Variants in ANK3 observed in about 807,000 individuals in gnomAD.
The protein encoded by ANK3 is ankyrin 3.
A neutral mutation model predicts 370.9 loss-of-function variants in ANK3; 57 were observed. The ratio of observed to expected loss-of-function variants is 0.15; its 90% CI spans 0.12 to 0.19. The LOEUF (loss-of-function observed/expected upper bound fraction) is 0.19, where lower values mean the gene tolerates loss of function less well. ANK3 is among the 10% of genes least tolerant of loss of function. ANK3 has a pLI of 1.00. For synonymous variants in ANK3, 1,929 were observed against 1,946.3 expected (o/e 0.99, Z 0.23); for missense variants, 4,439 against 5,302.1 (o/e 0.84, Z 5.06).
At chr10:60,472,906 C>T (rs1268433557) in intron 2 of ANK3, among the ~76,000 whole-genome samples, 1 of 152,168 alleles carries the variant, frequency 6.6e-6, no homozygotes, top group Non-Finnish European at 1.5e-5. Context: ...TCCTCTTCTT[C>T]ATGGAGCTCA....
intron 2 of ANK3, among the ~76,000 whole-genome samples, chr10:60,427,832 G>A (rs1272032537): frequency 6.6e-6 from 1 of 152,114 alleles, no homozygotes; most frequent in Non-Finnish European, 1.5e-5. Context: ...CTTTGATGTA[G>A]AGCTAGACTA....
intron 1 of ANK3, among the ~76,000 whole-genome samples, chr10:60,637,430 A>C (rs1359735695): frequency 6.6e-6 from 1 of 152,220 alleles, no homozygotes; most frequent in Non-Finnish European, 1.5e-5. Context: ...ACTTTCATAC[A>C]ATGCCAAAGG....
rs183991769 is a variant in ANK3, at chr10:60,610,215, C to A, written c.96+4971G>T. Among the ~76,000 whole-genome samples, 278 of 152,198 alleles carry A rather than the reference C, an allele frequency of 1.8e-3. 3 individuals are homozygous for A. The highest frequency in any genetic ancestry group is 6.4e-3 in the African/African-American group (265 of 41,528). The stretch of plus-strand genomic sequence containing the variant: ...CTATCCATTAGTAATCAAAGAAAGG[C>A]AAGGAGGGCCCCTTTTGTAGAAAGA... On this transcript the variant is annotated intron_variant, in intron 2 of 43. Coordinates refer to the ANK3 transcript ENST00000373827.
At chr10:60,548,541 C>T (rs1339330172) in intron 2 of ANK3, among the ~76,000 whole-genome samples, 2 of 152,004 alleles carry the variant, frequency 1.3e-5, no homozygotes, top group African/African-American at 2.4e-5. Context: ...TGAGCCACTG[C>T]ACCCGTCCAT....
intron 1 of ANK3, among the ~76,000 whole-genome samples, chr10:60,308,981 C>T (rs948040652): frequency 1.3e-5 from 2 of 152,154 alleles, no homozygotes; most frequent in African/African-American, 4.8e-5. Context: ...CAGGAGAATT[C>T]GAATAGTTGA....
At chr10:60,452,302 C>T (rs999964314) in intron 2 of ANK3, among the ~76,000 whole-genome samples, 5 of 152,214 alleles carry the variant, frequency 3.3e-5, no homozygotes, top group Admixed American at 2.6e-4. Flanking sequence ...GTGTAACCAC[C>T]ACAGCTATGT....
At chr10:60,514,927 T>G (rs1350824120) in intron 2 of ANK3, among the ~76,000 whole-genome samples, 1 of 152,176 alleles carries the variant, frequency 6.6e-6, no homozygotes, top group Non-Finnish European at 1.5e-5. Flanking sequence ...TAGAGAGTTG[T>G]GTCTTTGGTT....
intron 43 of ANK3, among the ~76,000 whole-genome samples, chr10:60,032,194 C>CTTTTTTTT (rs552219776): frequency 0.01 from 439 of 43,124 alleles, 74 homozygotes; most frequent in African/African-American, 0.031. Context: ...TACACAGCTT[C>CTTTTTTTT]TTTTTTTTTT....
In ANK3 at chr10:60,420,921, A is replaced by G. The variant is rs376951097; in HGVS notation, c.97-141282T>C. Among the ~76,000 whole-genome samples the G allele has an allele frequency of 4.7e-4, 71 of 152,272 alleles. 1 individual carries two copies. In the South Asian group the frequency reaches 0.014, roughly 31 times the overall value. On this transcript the variant is annotated intron_variant, in intron 2 of 43. Transcript: ENST00000373827. Reference sequence around the variant, plus strand: ...TTACTTGTGAAATATTCATAGCATTATACACAATAGCCAAAAGGTGGAAAC... The same window carrying G: ...TTACTTGTGAAATATTCATAGCATTGTACACAATAGCCAAAAGGTGGAAAC...
intron 4 of ANK3, among the ~76,000 whole-genome samples, chr10:60,272,630 C>T (rs539427546): frequency 1.3e-5 from 2 of 152,192 alleles, no homozygotes; most frequent in East Asian, 3.9e-4. Flanking sequence ...CAGGCATGTG[C>T]CACCTCGCCC....
intron 2 of ANK3, among the ~76,000 whole-genome samples, chr10:60,584,116 T>A (rs911082867): frequency 7.9e-5 from 12 of 152,096 alleles, no homozygotes; most frequent in Non-Finnish European, 1.8e-4. Flanking sequence ...TATGACCAAC[T>A]CCCTCTACCT....
At chr10:60,448,795 C>G (rs1301150815) in intron 2 of ANK3, among the ~76,000 whole-genome samples, 1 of 152,206 alleles carries the variant, frequency 6.6e-6, no homozygotes, top group Non-Finnish European at 1.5e-5. Context: ...GAGATATCTT[C>G]TTTTGAGCTG....
intron 7 of ANK3, among the ~76,000 whole-genome samples, chr10:60,237,588 CT>C (rs202161530): frequency 1.3e-5 from 2 of 150,718 alleles, no homozygotes; most frequent in African/African-American, 2.4e-5. Context: ...CCTTGAGTTT[CT>C]TTTTTTTCTC....
At chr10:60,288,817 G>GA (rs900356802) in intron 1 of ANK3, among the ~76,000 whole-genome samples, 18 of 151,870 alleles carry the variant, frequency 1.2e-4, no homozygotes, top group African/African-American at 4.4e-4. Context: ...GAGTGTGGGA[G>GA]AAAATGGAGA....
chr10:60,074,310 G>A lies in ANK3; in HGVS notation c.6571C>T (p.Pro2191Ser), dbSNP rs140516425. ...GTAGGTGAAGGTTTAGGTGACACAG[G>A]CTCCTCTGGTTGGGTCTGGGGAACA... is the stretch of plus-strand genomic sequence containing the variant. ...GDVPQTQPEEPVSPKPSPTFM... is the reference protein window; with the variant it reads ...GDVPQTQPEESVSPKPSPTFM... The change falls in exon 37 of 44, where the codon CCT becomes TCT. Residue 2191 changes from proline to serine, a missense_variant. Physicochemically the swap from Pro to Ser is moderately conservative, Grantham distance 74 (BLOSUM62 -1). This residue lies in a region of ANK3 where 1,601 missense variants were observed against 1,731.7 expected (regional missense o/e 0.92). Coordinates refer to ENST00000280772, the MANE Select transcript of ANK3 (RefSeq NM_020987.5). 2 of 1,614,006 alleles carry A rather than the reference G, an allele frequency of 1.2e-6. No homozygotes were observed. The highest frequency in any genetic ancestry group is 2.2e-5 in the East Asian group (1 of 44,864).
At chr10:60,128,546 A>G (rs896401474) in intron 25 of ANK3, among the ~76,000 whole-genome samples, 2 of 151,936 alleles carry the variant, frequency 1.3e-5, no homozygotes, top group African/African-American at 4.8e-5. Context: ...CCACTCGGCT[A>G]ATTTTTGTAT....
intron 2 of ANK3, among the ~76,000 whole-genome samples, chr10:60,419,072 A>C (rs1382340603): frequency 6.6e-6 from 1 of 152,194 alleles, no homozygotes; most frequent in East Asian, 1.9e-4. Flanking sequence ...TAAATGGCTA[A>C]TGTGTGAATC....
intron 1 of ANK3, among the ~76,000 whole-genome samples, chr10:60,386,581 T>C (rs2062363546): frequency 1.3e-5 from 2 of 151,970 alleles, no homozygotes; most frequent in African/African-American, 4.8e-5. Flanking sequence ...ATGATTAACA[T>C]ATTCAAAATA....
intron 2 of ANK3, among the ~76,000 whole-genome samples, chr10:60,396,128 A>G (rs372734779): frequency 3.3e-5 from 5 of 152,230 alleles, no homozygotes; most frequent in Non-Finnish European, 1.5e-5. Flanking sequence ...AGAAGCTTCA[A>G]TTCTTGAATA....
Sources: gnomAD v4.1 joint callset for allele counts (sites outside exome capture counted in the v4.1 genomes callset) on GRCh38, gnomAD v4.1.1 for gene constraint, gnomAD v4.1.1 regional missense constraint, MANE v1.5 for transcripts, NCBI Gene and HGNC (gene_info 2026-07-23, HGNC 2026-07-21) for gene names.